MECOM: variants seen among roughly 807,000 people sequenced by gnomAD.
The protein encoded by MECOM is MDS1 and EVI1 complex locus, also known as histone-lysine N-methyltransferase MECOM.
In MECOM, 13 loss-of-function variants were observed where a neutral mutation model predicts 116.3. The observed-to-expected ratio is 0.11, with a 90% CI of 0.07 to 0.18. MECOM has a LOEUF of 0.18. Ranked by LOEUF, MECOM falls within the 10% of genes least tolerant of loss-of-function variation. MECOM has a pLI of 1.00. For synonymous variants in MECOM, 528 were observed against 535.2 expected, an observed-to-expected ratio of 0.99 and a Z score of 0.19; for missense variants, 1,299 against 1,509.0, an observed-to-expected ratio of 0.86 and a Z score of 2.31.
intron 1 of MECOM, among the ~76,000 whole-genome samples, chr3:169,479,034 C>T (rs1750890727): frequency 6.6e-6 from 1 of 152,070 alleles, no homozygotes; most frequent in South Asian, 2.1e-4. Flanking sequence ...AATGGGAGGG[C>T]CACAGTAGTG....
chr3:169,147,464 A>G (rs1289023432), intron 2 of MECOM: 2 of 985,346 alleles, frequency 2.0e-6, no homozygotes, highest in Non-Finnish European at 2.4e-6. Context: ...CGCCGCCCAG[A>G]GTGATCTGAT....
rs1313577698 is a variant in MECOM at position 169,083,659 on chromosome 3, G to C, written c.*1250C>G. The C allele has an allele frequency of 1.0e-5, 2 of 200,250 alleles. No homozygotes were observed. Among genetic ancestry groups the C allele is most frequent in the East Asian group, 7.8e-5 (1 of 12,894 alleles). The allele number at this position is 200,250 out of a possible 1,614,324, so 12.4% of individuals were successfully genotyped here. A position where few individuals can be genotyped will look rare whatever the true frequency, so the allele number is the denominator to read the frequency against. On this transcript the variant is annotated 3_prime_UTR_variant, in exon 17 of 17. Transcript: ENST00000651503. The stretch of plus-strand genomic sequence containing the variant: ...TACAAACAAAAAGAAAACAAATCTG[G>C]TTCCTCAATAAAGGGCAAAATAACT...
intron 1 of MECOM, among the ~76,000 whole-genome samples, chr3:169,582,173 G>A (rs1057076653): frequency 7.2e-5 from 11 of 152,232 alleles, no homozygotes; most frequent in East Asian, 3.9e-4. Flanking sequence ...TTTCTTAAGC[G>A]TTTCGTCAGA....
intron 1 of MECOM, among the ~76,000 whole-genome samples, chr3:169,536,659 C>G (rs1759405092): frequency 6.6e-6 from 1 of 152,132 alleles, no homozygotes; most frequent in African/African-American, 2.4e-5. Flanking sequence ...AAAATCCACA[C>G]TCAAGCTCTG....
intron 11 of MECOM, 84 bp from the exon 12 acceptor site, chr3:169,101,046 C>A (rs1237253300): frequency 1.4e-5 from 12 of 829,784 alleles, no homozygotes; most frequent in Non-Finnish European, 2.2e-5. Context: ...GATGCTTATT[C>A]CTGATTCAAT....
rs147472541 is a variant in MECOM at position 169,515,559 on chromosome 3, GC to G, written c.38-134036del. On this transcript the variant is annotated intron_variant, in intron 1 of 16. Coordinates refer to ENST00000651503, the MANE Select transcript of MECOM (RefSeq NM_004991.4). ...TTCACCATACCATACTACCTCCTGG[GC>G]CCTATCGAAGCTGAGATTCCAGAAG... Among the ~76,000 whole-genome samples the G allele has an allele frequency of 8.4e-3, 1,279 of 152,204 alleles. 15 individuals carry two copies. The highest frequency in any genetic ancestry group is 0.026 in the South Asian group (123 of 4,814).
intron 2 of MECOM, among the ~76,000 whole-genome samples, chr3:169,340,267 T>C (rs867583658): frequency 1.3e-5 from 2 of 152,168 alleles, no homozygotes; most frequent in Non-Finnish European, 2.9e-5. Flanking sequence ...CATGACATCA[T>C]AGGAGCCTTA....
At chr3:169,332,840 A>G (rs1319148312) in intron 2 of MECOM, among the ~76,000 whole-genome samples, 1 of 152,178 alleles carries the variant, frequency 6.6e-6, no homozygotes, top group Non-Finnish European at 1.5e-5. Context: ...TTCAGTACTT[A>G]GTGGTAAGTT....
At chr3:169,162,083 G>C (rs1742933416) in intron 2 of MECOM, among the ~76,000 whole-genome samples, 1 of 152,164 alleles carries the variant, frequency 6.6e-6, no homozygotes, top group Admixed American at 6.5e-5. Context: ...GGGATAATTT[G>C]TGGGGCAGCA....
At chr3:169,185,599 C>G (rs1303399470) in intron 2 of MECOM, among the ~76,000 whole-genome samples, 1 of 152,158 alleles carries the variant, frequency 6.6e-6, no homozygotes, top group Non-Finnish European at 1.5e-5. Flanking sequence ...TGGTACTTAT[C>G]TTTAAAAGTC....
At chr3:169,311,802 T>G (rs1718828710) in intron 2 of MECOM, among the ~76,000 whole-genome samples, 1 of 152,158 alleles carries the variant, frequency 6.6e-6, no homozygotes, top group African/African-American at 2.4e-5. Context: ...GACAAGCTCA[T>G]GACCTTCTTC....
intron 2 of MECOM, among the ~76,000 whole-genome samples, chr3:169,230,871 A>T (rs1753307160): frequency 6.6e-6 from 1 of 152,178 alleles, no homozygotes; most frequent in Non-Finnish European, 1.5e-5. Context: ...CTCACATAAG[A>T]TCTTCAATGG....
At chr3:169,306,316 T>C (rs975020650) in intron 2 of MECOM, among the ~76,000 whole-genome samples, 2 of 152,210 alleles carry the variant, frequency 1.3e-5, no homozygotes, top group Non-Finnish European at 2.9e-5. Flanking sequence ...AGATAAGACA[T>C]ATTCATCCCA....
intron 2 of MECOM, among the ~76,000 whole-genome samples, chr3:169,375,983 G>A (rs555252074): frequency 2.9e-4 from 44 of 152,098 alleles, no homozygotes; most frequent in African/African-American, 9.9e-4. Context: ...TATCCACTAC[G>A]ATCAAGTCGG....
chr3:169,145,325 T>C (rs1232914195), intron 2 of MECOM: 3 of 344,818 alleles, frequency 8.7e-6, no homozygotes, highest in African/African-American at 6.2e-5. Context: ...AACTTTAAGA[T>C]GTTTCTTCAA....
chr3:169,362,436 C>T (rs538907330), intron 2 of MECOM, among the ~76,000 whole-genome samples: 165 of 151,948 alleles, frequency 1.1e-3, no homozygotes, highest in African/African-American at 4.0e-3. Flanking sequence ...AGGTTCCTGG[C>T]ACCCAGCCCA....
At chr3:169,592,739 C>T (rs1766578353) in intron 1 of MECOM, among the ~76,000 whole-genome samples, 1 of 152,194 alleles carries the variant, frequency 6.6e-6, no homozygotes, top group Non-Finnish European at 1.5e-5. Flanking sequence ...GAGTCCCTTG[C>T]CATGCCCTCC....
intron 2 of MECOM, among the ~76,000 whole-genome samples, chr3:169,182,908 G>A (rs1342882180): frequency 6.6e-6 from 1 of 152,078 alleles, no homozygotes; most frequent in Non-Finnish European, 1.5e-5. Context: ...TGGCTAAACA[G>A]AGCTTGTTGA....
chr3:169,289,817 A>G (rs1193322891), intron 2 of MECOM, among the ~76,000 whole-genome samples: 1 of 152,202 alleles, frequency 6.6e-6, no homozygotes, highest in Non-Finnish European at 1.5e-5. Context: ...GTATTTAGCT[A>G]GTTATTTCTT....
Sources: allele counts gnomAD v4.1 joint callset (sites outside exome capture counted in the v4.1 genomes callset), GRCh38; gene constraint gnomAD v4.1.1; transcripts MANE v1.5; gene names NCBI Gene and HGNC (gene_info 2026-07-23, HGNC 2026-07-21).